ASTN1: variants seen among roughly 807,000 people sequenced by gnomAD.
The protein encoded by ASTN1 is astrotactin-1.
In ASTN1, 41 loss-of-function variants were observed where a neutral mutation model predicts 140.7. The observed-to-expected ratio is 0.29, with a 90% CI of 0.23 to 0.38. ASTN1 has a LOEUF of 0.38. Ranked by LOEUF, ASTN1 falls within the 10% of genes least tolerant of loss-of-function variation. The pLI, the probability that ASTN1 is intolerant of heterozygous loss-of-function variation, is 1.00. For synonymous variants in ASTN1, 640 were observed against 652.2 expected (o/e 0.98, Z 0.29); for missense variants, 1,479 against 1,678.8 (o/e 0.88, Z 2.08).
intron 12 of ASTN1, among the ~76,000 whole-genome samples, chr1:176,946,696 T>C (rs1459099669): frequency 2.0e-5 from 3 of 152,208 alleles, no homozygotes; most frequent in African/African-American, 7.2e-5. Flanking sequence ...TCCTCCTCCA[T>C]TAGGAGTAGC....
chr1:177,034,050 T>C (rs1387239261), intron 2 of ASTN1, among the ~76,000 whole-genome samples: 2 of 151,938 alleles, frequency 1.3e-5, no homozygotes, highest in Non-Finnish European at 2.9e-5. Context: ...CCCTATCAAA[T>C]AAGCTAGAGA....
At chr1:177,058,253 G>A (rs1481573299) in intron 2 of ASTN1, among the ~76,000 whole-genome samples, 1 of 152,058 alleles carries the variant, frequency 6.6e-6, no homozygotes, top group Non-Finnish European at 1.5e-5. Context: ...GGAAGTCAAA[G>A]GCCTTCCTGA....
intron 1 of ASTN1, among the ~76,000 whole-genome samples, chr1:177,164,139 C>A (rs973732459): frequency 6.6e-6 from 1 of 152,214 alleles, no homozygotes; most frequent in African/African-American, 2.4e-5. Flanking sequence ...CAGAGAGACT[C>A]ATGCAACCTG....
chr1:177,104,398 T>G (rs993126563), intron 1 of ASTN1, among the ~76,000 whole-genome samples: 1 of 152,170 alleles, frequency 6.6e-6, no homozygotes, highest in Non-Finnish European at 1.5e-5. Context: ...ACCAAACTAG[T>G]AAAATTACTG....
rs568986839 is a variant in ASTN1, at chr1:176,915,344, A to G, written c.2671+18808T>C. ...AAGAAACTAAGGCTTGGAGGCTTTA[A>G]GTCATCTGTTTGATGATCAGGCAAG... On this transcript the variant is annotated intron_variant, in intron 16 of 22. Coordinates refer to ENST00000361833, the MANE Select transcript of ASTN1 (RefSeq NM_004319.3). Among the ~76,000 whole-genome samples the G allele has an allele frequency of 2.6e-5, 4 of 152,290 alleles. No individual in the cohort carries two copies. The South Asian group carries it at 6.2e-4, about 24-fold the overall frequency.
At chr1:176,987,956 G>A (rs1673983337) in intron 8 of ASTN1, among the ~76,000 whole-genome samples, 1 of 152,174 alleles carries the variant, frequency 6.6e-6, no homozygotes, top group African/African-American at 2.4e-5. Flanking sequence ...CAATTATGGA[G>A]AATAACCCCA....
chr1:177,052,618 A>T (rs895458791), intron 2 of ASTN1, among the ~76,000 whole-genome samples: 11 of 152,132 alleles, frequency 7.2e-5, no homozygotes, highest in African/African-American at 2.4e-4. Flanking sequence ...GTTCTCAATG[A>T]CCAGCATCTT....
At chr1:177,136,510 C>T (rs1227191091) in intron 1 of ASTN1, among the ~76,000 whole-genome samples, 2 of 151,898 alleles carry the variant, frequency 1.3e-5, no homozygotes, top group Non-Finnish European at 2.9e-5. Context: ...ACCCCACAAC[C>T]GCCCAGTTAA....
intron 11 of ASTN1, among the ~76,000 whole-genome samples, chr1:176,950,073 T>C (rs1672133778): frequency 6.6e-6 from 1 of 152,224 alleles, no homozygotes; most frequent in South Asian, 2.1e-4. Context: ...TCCTCAGTAA[T>C]ATACTCCCCA....
intron 11 of ASTN1, among the ~76,000 whole-genome samples, chr1:176,950,501 A>G (rs764203019): frequency 6.6e-6 from 1 of 151,990 alleles, no homozygotes; most frequent in Non-Finnish European, 1.5e-5. Flanking sequence ...ATCTCACAAT[A>G]CCCTATATTA....
chr1:177,109,288 T>C (rs1231945022), intron 1 of ASTN1, among the ~76,000 whole-genome samples: 1 of 152,180 alleles, frequency 6.6e-6, no homozygotes, highest in African/African-American at 2.4e-5. Flanking sequence ...GTTCAAAGAA[T>C]AGAAGACTAT....
intron 8 of ASTN1, among the ~76,000 whole-genome samples, chr1:177,001,957 G>T (rs1674745980): frequency 6.6e-6 from 1 of 152,164 alleles, no homozygotes; most frequent in Non-Finnish European, 1.5e-5. Flanking sequence ...ATGTCACAAT[G>T]GAAGACCACG....
chr1:176,900,931 A>ATT (rs1287955036), intron 16 of ASTN1, among the ~76,000 whole-genome samples: 1 of 152,210 alleles, frequency 6.6e-6, no homozygotes, highest in Admixed American at 6.5e-5. Context: ...TATATGTAAT[A>ATT]CACACTAATG....
chr1:176,861,211 C>G lies in ASTN1; in HGVS notation c.*3073G>C. ...CCTTCTGCAGTAGTAAAGTGTTTTT[C>G]TTCATACTCAGTTTTTTTAATAGAA... is the stretch of plus-strand genomic sequence containing the variant. On this transcript the variant is annotated 3_prime_UTR_variant, in exon 23 of 23. Transcript: ENST00000361833. 1 of 976,370 alleles carries G rather than the reference C, an allele frequency of 1.0e-6. No homozygotes were observed. Among genetic ancestry groups the G allele is most frequent in the Non-Finnish European group, 1.2e-6 (1 of 821,586 alleles). 60.5% of individuals were successfully genotyped at this position (976,370 alleles called of 1,614,324 possible). A position where few individuals can be genotyped will look rare whatever the true frequency, so the allele number is the denominator to read the frequency against.
chr1:176,883,133 G>A, intron 19 of ASTN1, 139 bp from the exon 20 acceptor site: 1 of 1,229,320 alleles, frequency 8.1e-7, no homozygotes, highest in Non-Finnish European at 1.1e-6. Context: ...AGACTTAGAA[G>A]GAATGGCCTT....
chr1:176,921,463 T>C (rs1418883477), intron 16 of ASTN1, among the ~76,000 whole-genome samples: 1 of 152,212 alleles, frequency 6.6e-6, no homozygotes, highest in Non-Finnish European at 1.5e-5. Context: ...ACCTAATACA[T>C]ACTCCCTCAC....
chr1:177,121,733 C>T (rs1056914435), intron 1 of ASTN1, among the ~76,000 whole-genome samples: 5 of 151,994 alleles, frequency 3.3e-5, no homozygotes, highest in Admixed American at 6.6e-5. Flanking sequence ...ACCTGAGGGC[C>T]CCTAAAGTTA....
At chr1:177,042,478 T>C (rs899104673) in intron 2 of ASTN1, among the ~76,000 whole-genome samples, 5 of 152,196 alleles carry the variant, frequency 3.3e-5, no homozygotes, top group Non-Finnish European at 7.3e-5. Context: ...CCATTACATG[T>C]GCTTAACTCT....
At chr1:177,023,935 G>A (rs1350219738) in intron 6 of ASTN1, among the ~76,000 whole-genome samples, 1 of 152,192 alleles carries the variant, frequency 6.6e-6, no homozygotes, top group Non-Finnish European at 1.5e-5. Flanking sequence ...AACAGGGGCT[G>A]CTGCCTGTCT....
Sources: allele counts gnomAD v4.1 joint callset (sites outside exome capture counted in the v4.1 genomes callset), GRCh38; gene constraint gnomAD v4.1.1; transcripts MANE v1.5; gene names NCBI Gene and HGNC (gene_info 2026-07-23, HGNC 2026-07-21).